HAUS4: variants seen among roughly 807,000 people sequenced by gnomAD.
HAUS4 encodes HAUS augmin-like complex subunit 4.
In HAUS4, 34 loss-of-function variants were observed where a neutral mutation model predicts 50.6. That is an observed-to-expected ratio of 0.67 (90% CI 0.51 to 0.90). The LOEUF (loss-of-function observed/expected upper bound fraction) is 0.90. HAUS4 is among the 40% of genes least tolerant of loss of function. HAUS4 has a pLI of 0.00. For missense variants in HAUS4, 370 were observed against 428.7 expected, an observed-to-expected ratio of 0.86 and a Z score of 1.21; for synonymous variants, 149 against 161.4, an observed-to-expected ratio of 0.92 and a Z score of 0.58.
At chr14:22,954,092 T>C (rs2139317363) in intron 2 of HAUS4, among the ~76,000 whole-genome samples, 1 of 152,236 alleles carries the variant, frequency 6.6e-6, no homozygotes, top group South Asian at 2.1e-4. Context: ...CTTATAATTG[T>C]CAGTAGAGTT....
At chr14:22,947,059 C>A in intron 9 of HAUS4, 112 bp downstream of exon 9, 1 of 757,886 alleles carries the variant, frequency 1.3e-6, no homozygotes, top group Non-Finnish European at 2.4e-6. Flanking sequence ...GCTGGGATTA[C>A]AGGTGTGAGC....
rs2044664880 is a variant in HAUS4 at position 22,947,420 on chromosome 14, A to C, written c.839+181T>G. 6.7e-6 allele frequency: 5 copies of C among 751,814 alleles called. No homozygotes were observed. In the South Asian group the frequency reaches 7.2e-5, roughly 11 times the overall value. The allele number at this position is 751,814 out of a possible 1,614,324, so 46.6% of individuals were successfully genotyped here. A position where few individuals can be genotyped will look rare whatever the true frequency, so the allele number is the denominator to read the frequency against. ...AAAGTGCCTATTTCAGAAGACTGTA[A>C]AAGAAAAGTCTCAAGGATGTTGAAA... is the stretch of plus-strand genomic sequence containing the variant. On this transcript the variant is annotated intron_variant, in intron 8 of 9. Transcript: ENST00000541587.
chr14:22,949,453 T>C (rs534850194), intron 6 of HAUS4, among the ~76,000 whole-genome samples: 56 of 142,574 alleles, frequency 3.9e-4, no homozygotes, highest in African/African-American at 1.4e-3. Flanking sequence ...GGCGTGAACC[T>C]AGGAGGTGGA....
intron 6 of HAUS4, among the ~76,000 whole-genome samples, chr14:22,950,085 G>A (rs1026748668): frequency 6.8e-5 from 10 of 147,806 alleles, no homozygotes; most frequent in East Asian, 2.0e-4. Flanking sequence ...CAGAAATGGC[G>A]CCATTGCACT....
intron 9 of HAUS4, 117 bp from the exon 10 acceptor site, chr14:22,946,825 C>G (rs1349858910): frequency 1.4e-6 from 1 of 699,786 alleles, no homozygotes; most frequent in Non-Finnish European, 2.3e-6. Context: ...GCTCTGTCAC[C>G]TAGGCTGGAG....
intron 4 of HAUS4, 56 bp downstream of exon 4, chr14:22,952,272 G>C: frequency 7.0e-7 from 1 of 1,429,510 alleles, no homozygotes; most frequent in African/African-American, 1.4e-5. Context: ...CCTGCCTGGG[G>C]CTCCCAAAGT....
At chr14:22,949,131 T>C (rs1484245942) in intron 6 of HAUS4, among the ~76,000 whole-genome samples, 12 of 140,858 alleles carry the variant, frequency 8.5e-5, no homozygotes, top group Non-Finnish European at 1.8e-4. Context: ...CACTCCAGCC[T>C]GGGCGACAAG....
rs748127480 is a variant in HAUS4, at chr14:22,951,611, G to GT, written c.408dup (p.Pro137ThrfsTer48). ...GCTTTCTCCAGCCCCAGCAGTGGAGGTATCTCCCTCTCCTGGCTAGGACCT... is the reference window on the plus strand; with the variant it reads ...GCTTTCTCCAGCCCCAGCAGTGGAGGTTATCTCCCTCTCCTGGCTAGGACCT... On this transcript the variant is annotated frameshift_variant, in exon 5 of 10. Transcript: ENST00000541587. LOFTEE classifies it high-confidence loss of function. 6.2e-7 allele frequency: 1 copy of GT among 1,613,996 alleles called. No homozygotes were observed. Among genetic ancestry groups the GT allele is most frequent in the South Asian group, 1.1e-5 (1 of 91,084 alleles).
chr14:22,947,680 G>A lies in HAUS4; in HGVS notation c.760C>T (p.Leu254=). The A allele has an allele frequency of 6.2e-7, 1 of 1,614,128 alleles. No individual in the cohort carries two copies. Among genetic ancestry groups the A allele is most frequent in the Non-Finnish European group, 8.5e-7 (1 of 1,179,966 alleles). ...CGGTCTAGCTCGGATTGAGTCTTCA[G>A]CCGGTGTTCTTGAAGAAGCCTCTGC... ...LLQRLLQEHR[L]KTQSELDRIN... is the part of the protein sequence containing the mutation. Residue 254 remains leucine, a synonymous_variant, in exon 8 of 10, where the codon CTG becomes TTG. Coordinates refer to ENST00000541587, the MANE Select transcript of HAUS4 (RefSeq NM_001166269.2).
chr14:22,947,437 A>T, intron 8 of HAUS4, 164 bp downstream of exon 8: 9 of 789,740 alleles, frequency 1.1e-5, no homozygotes, highest in Non-Finnish European at 1.8e-5. Context: ...AGTCTCAAGG[A>T]TGTTGAAAGC....
intron 1 of HAUS4, among the ~76,000 whole-genome samples, chr14:22,956,110 G>A (rs568312472): frequency 6.6e-6 from 1 of 152,236 alleles, no homozygotes; most frequent in East Asian, 1.9e-4. Context: ...TGGTTTACTC[G>A]ATCGTTTTAT....
chr14:22,951,763 G>T, intron 4 of HAUS4, 74 bp from the exon 5 acceptor site: 2 of 1,401,166 alleles, frequency 1.4e-6, no homozygotes, highest in South Asian at 1.3e-5. Flanking sequence ...CCATCCTTAT[G>T]AACCAGTTTT....
At chr14:22,947,050 C>T (rs2044656395) in intron 9 of HAUS4, 121 bp downstream of exon 9, 2 of 726,204 alleles carry the variant, frequency 2.8e-6, no homozygotes, top group Non-Finnish European at 5.0e-6. Flanking sequence ...TCCCAAAGTG[C>T]TGGGATTACA....
intron 6 of HAUS4, among the ~76,000 whole-genome samples, chr14:22,950,058 G>A (rs2044723104): frequency 6.6e-6 from 1 of 151,330 alleles, no homozygotes; most frequent in African/African-American, 2.4e-5. Context: ...AATCTAGGAG[G>A]AGGAGCTTGC....
At chr14:22,951,358 TATA>T in intron 5 of HAUS4, 194 bp downstream of exon 5, 3 of 627,836 alleles carry the variant, frequency 4.8e-6, no homozygotes, top group Non-Finnish European at 8.5e-6. Flanking sequence ...TCAAGCTGTT[TATA>T]ATAATATTGT....
At chr14:22,956,605 C>T (rs2044870097) in intron 1 of HAUS4, 1 of 152,198 alleles carries the variant, frequency 6.6e-6, no homozygotes, top group African/African-American at 2.4e-5. Flanking sequence ...TGCACTCAGA[C>T]GTGTTAAAAC....
At position 22,951,605 on chromosome 14, in the gene HAUS4, G is replaced by T; in HGVS notation, c.415C>A (p.Leu139Met). ...AGGTCCGCTTTCTCCAGCCCCAGCAGTGGAGGTATCTCCCTCTCCTGGCTA... is the reference window on the plus strand; with the variant it reads ...AGGTCCGCTTTCTCCAGCCCCAGCATTGGAGGTATCTCCCTCTCCTGGCTA... ...GPSQEREIPP[L>M]LGLEKADLLE... is the part of the protein sequence containing the mutation. The change falls in exon 5 of 10, where the codon CTG becomes ATG. Residue 139 changes from leucine to methionine, a missense_variant. Transcript: ENST00000541587. 6.2e-7 allele frequency: 1 copy of T among 1,614,064 alleles called. No individual in the cohort carries two copies. The highest frequency in any genetic ancestry group is 1.1e-5 in the South Asian group (1 of 91,080).
rs2044674516 is a variant in HAUS4, at chr14:22,947,957, C to A, written c.619G>T (p.Val207Leu). ...AKVWKLAEVL[V>L]GEQQQCQDAK... is the part of the protein sequence containing the mutation. ...TCCTGGCACTGCTGCTGCTCACCCA[C>A]CAGGACCTCTGCGAGTTTCCACACC... The change falls in exon 7 of 10, where the codon GTG becomes TTG. Residue 207 changes from valine to leucine, a missense_variant. Physicochemically the swap from Val to Leu is conservative, Grantham distance 32. Transcript: ENST00000541587. 1 of 1,614,062 alleles carries A rather than the reference C, an allele frequency of 6.2e-7. No individual in the cohort carries two copies. Among genetic ancestry groups the A allele is most frequent in the Non-Finnish European group, 8.5e-7 (1 of 1,179,994 alleles).
At chr14:22,947,286 G>T in intron 8 of HAUS4, 47 bp from the exon 9 acceptor site, 1 of 1,304,076 alleles carries the variant, frequency 7.7e-7, no homozygotes. Flanking sequence ...GTCCCTGATA[G>T]CAGCAGGGTT....
Sources: gnomAD v4.1 joint callset for allele counts (sites outside exome capture counted in the v4.1 genomes callset) on GRCh38, gnomAD v4.1.1 for gene constraint, MANE v1.5 for transcripts, NCBI Gene and HGNC (gene_info 2026-07-23, HGNC 2026-07-21) for gene names.